IGBP1C: variants seen among roughly 807,000 people sequenced by gnomAD.
The protein encoded by IGBP1C is immunoglobulin-binding protein 1 family member C.
the IGBP1C span, among the ~76,000 whole-genome samples, chr17:58,688,727 T>A: frequency 6.6e-6 from 1 of 152,138 alleles, no homozygotes; most frequent in African/African-American, 2.4e-5. Context: ...CCGCAGCCCA[T>A]GCTGGTTTGC....
the IGBP1C span, among the ~76,000 whole-genome samples, chr17:58,686,785 G>T: frequency 6.7e-6 from 1 of 148,728 alleles, no homozygotes; most frequent in African/African-American, 2.5e-5. Context: ...CCTTTATTCA[G>T]AGGTTTTTCT....
chr17:58,690,071 G>A, the IGBP1C span, among the ~76,000 whole-genome samples: 1,742 of 151,984 alleles, frequency 0.011, 15 homozygotes, highest in Middle Eastern at 0.041. Context: ...GGATGGTCTC[G>A]ATCTCCTGAC....
chr17:58,661,989 G>C, the IGBP1C span, among the ~76,000 whole-genome samples: 1 of 151,914 alleles, frequency 6.6e-6, no homozygotes, highest in African/African-American at 2.4e-5. Flanking sequence ...AAGTGACTTT[G>C]CCAAGATTCA....
At chr17:58,666,664 C>T in the IGBP1C span, 4 of 152,268 alleles carry the variant, frequency 2.6e-5, no homozygotes, top group East Asian at 5.8e-4. Flanking sequence ...AAACCACCTC[C>T]ATAATCACAG....
At chr17:58,677,942 G>C in the IGBP1C span, among the ~76,000 whole-genome samples, 20 of 152,208 alleles carry the variant, frequency 1.3e-4, no homozygotes, top group African/African-American at 3.6e-4. Flanking sequence ...ACGAGGTCAG[G>C]AGTTCAAGAC....
At chr17:58,681,823 A>G in the IGBP1C span, among the ~76,000 whole-genome samples, 1 of 152,252 alleles carries the variant, frequency 6.6e-6, no homozygotes, top group African/African-American at 2.4e-5. Context: ...AGCCTGGGTG[A>G]CAGCAGGAAA....
At chr17:58,684,201 C>T in the IGBP1C span, among the ~76,000 whole-genome samples, 1 of 151,798 alleles carries the variant, frequency 6.6e-6, no homozygotes, top group Non-Finnish European at 1.5e-5. Flanking sequence ...CTCACGTGAG[C>T]CTATAATCCC....
At chr17:58,668,200 C>T in the IGBP1C span, among the ~76,000 whole-genome samples, 26,025 of 152,152 alleles carry the variant, frequency 0.17, 2,358 homozygotes, top group Non-Finnish European at 0.19. Flanking sequence ...CCACTGACCT[C>T]CACACTGCTC....
the IGBP1C span, among the ~76,000 whole-genome samples, chr17:58,678,289 T>C: frequency 6.6e-6 from 1 of 152,136 alleles, no homozygotes; most frequent in African/African-American, 2.4e-5. Flanking sequence ...GATCTAGAAC[T>C]AGAAATACCA....
the IGBP1C span, chr17:58,679,690 T>G: frequency 2.0e-5 from 3 of 152,236 alleles, no homozygotes; most frequent in Non-Finnish European, 4.4e-5. Context: ...CAGTTAAGTA[T>G]GAGTCCCCAG....
the IGBP1C span, among the ~76,000 whole-genome samples, chr17:58,684,854 T>TA: frequency 2.6e-5 from 4 of 151,860 alleles, no homozygotes; most frequent in Non-Finnish European, 4.4e-5. Context: ...CTCACACCTG[T>TA]AATCTCAGCT....
At chr17:58,664,313 A>AT in the IGBP1C span, among the ~76,000 whole-genome samples, 1 of 152,138 alleles carries the variant, frequency 6.6e-6, no homozygotes, top group South Asian at 2.1e-4. Context: ...GTGCCCCCTC[A>AT]TGGCTCTGAT....
At chr17:58,661,515 C>G in the IGBP1C span, 4 of 780,034 alleles carry the variant, frequency 5.1e-6, no homozygotes, top group Admixed American at 1.7e-5. Flanking sequence ...GTCGCTCCTT[C>G]GACTTCGTCC....
chr17:58,661,020 A>C, the IGBP1C span: 2 of 1,152,426 alleles, frequency 1.7e-6, no homozygotes, highest in Non-Finnish European at 2.6e-6. Flanking sequence ...AGAAGATAAT[A>C]TTCACGAACA....
chr17:58,664,824 T>C, the IGBP1C span, among the ~76,000 whole-genome samples: 11 of 152,252 alleles, frequency 7.2e-5, no homozygotes, highest in Non-Finnish European at 1.6e-4. Context: ...AATTCATTTT[T>C]TTCTTCTGAT....
the IGBP1C span, among the ~76,000 whole-genome samples, chr17:58,683,933 T>C: frequency 2.8e-5 from 4 of 144,240 alleles, no homozygotes; most frequent in East Asian, 2.1e-4. Context: ...GGCGTGGTGG[T>C]GCATCCCTGT....
At chr17:58,668,852 T>TG in the IGBP1C span, among the ~76,000 whole-genome samples, 8 of 152,052 alleles carry the variant, frequency 5.3e-5, no homozygotes, top group South Asian at 2.1e-4. Flanking sequence ...CCCTGAGGAC[T>TG]GGGGGGTCAA....
At chr17:58,667,532 G>A in the IGBP1C span, among the ~76,000 whole-genome samples, 2 of 152,124 alleles carry the variant, frequency 1.3e-5, no homozygotes, top group Non-Finnish European at 2.9e-5. Flanking sequence ...TCCTCACAAC[G>A]TTGAGGTAGG....
chr17:58,667,602 T>A, the IGBP1C span, among the ~76,000 whole-genome samples: 1 of 152,184 alleles, frequency 6.6e-6, no homozygotes, highest in African/African-American at 2.4e-5. Flanking sequence ...GATTCTTTGC[T>A]GGCCGGGTGC....
Sources: gnomAD v4.1 joint callset for allele counts (sites outside exome capture counted in the v4.1 genomes callset) on GRCh38, gnomAD v4.1.1 for gene constraint, MANE v1.5 for transcripts, NCBI Gene and HGNC (gene_info 2026-07-23, HGNC 2026-07-21) for gene names.